DNAJC13: variants seen among roughly 807,000 people sequenced by gnomAD.
DNAJC13 encodes the protein DnaJ heat shock protein family (Hsp40) member C13.
Under a neutral mutation model 290.5 loss-of-function variants are expected in DNAJC13, and 75 were observed. The ratio of observed to expected loss-of-function variants is 0.26; its 90% CI spans 0.21 to 0.31. DNAJC13 has a LOEUF of 0.31. DNAJC13 is among the 10% of genes least tolerant of loss of function. DNAJC13 has a pLI of 1.00. For missense variants in DNAJC13, 2,260 were observed against 2,674.5 expected (o/e 0.85, Z 3.42); for synonymous variants, 862 against 892.0 (o/e 0.97, Z 0.60).
chr3:132,530,261 T>C (rs369129164), intron 54 of DNAJC13, among the ~76,000 whole-genome samples: 1 of 152,200 alleles, frequency 6.6e-6, no homozygotes, highest in Non-Finnish European at 1.5e-5. Flanking sequence ...TCAGAGACAG[T>C]CTGTCTTTCT....
At chr3:132,479,435 G>A in intron 25 of DNAJC13, 146 bp downstream of exon 25, 4 of 576,620 alleles carry the variant, frequency 6.9e-6, no homozygotes, top group Non-Finnish European at 9.2e-6. Context: ...CTAATCTCCT[G>A]GAGGGAGAGG....
At chr3:132,513,190 T>C in intron 45 of DNAJC13, 91 bp downstream of exon 45, 5 of 1,080,274 alleles carry the variant, frequency 4.6e-6, no homozygotes, top group Non-Finnish European at 7.0e-6. Flanking sequence ...GAAGTTGAAG[T>C]GTGCTTTTTT....
chr3:132,471,672 A>G (rs1934266799), intron 20 of DNAJC13, among the ~76,000 whole-genome samples: 2 of 120,100 alleles, frequency 1.7e-5, no homozygotes. Context: ...GACGCTCCTC[A>G]CTTCCTAGAT....
intron 54 of DNAJC13, among the ~76,000 whole-genome samples, chr3:132,528,804 T>C (rs2107751451): frequency 6.6e-6 from 1 of 151,728 alleles, no homozygotes; most frequent in African/African-American, 2.4e-5. Flanking sequence ...GTTTTTCCTA[T>C]GTGTGTTAAT....
At chr3:132,506,358 A>T (rs1935588626) in intron 42 of DNAJC13, among the ~76,000 whole-genome samples, 1 of 151,136 alleles carries the variant, frequency 6.6e-6, no homozygotes, top group Non-Finnish European at 1.5e-5. Flanking sequence ...GGCCTTCTGT[A>T]CATTATCTTT....
intron 33 of DNAJC13, among the ~76,000 whole-genome samples, chr3:132,493,681 A>G (rs1559896325): frequency 6.6e-6 from 1 of 152,052 alleles, no homozygotes; most frequent in Non-Finnish European, 1.5e-5. Context: ...TTTGAATGCT[A>G]GCATACCCAT....
intron 17 of DNAJC13, among the ~76,000 whole-genome samples, chr3:132,465,478 G>A (rs1430685385): frequency 6.6e-6 from 1 of 152,164 alleles, no homozygotes; most frequent in Non-Finnish European, 1.5e-5. Flanking sequence ...TAGCTTTTAA[G>A]TGAGATGAGT....
At chr3:132,490,573 T>C (rs897031856) in intron 31 of DNAJC13, among the ~76,000 whole-genome samples, 2 of 152,184 alleles carry the variant, frequency 1.3e-5, no homozygotes, top group Non-Finnish European at 2.9e-5. Flanking sequence ...TCTTGGGATA[T>C]TCCTTCTGTT....
Position 132,502,673 on chromosome 3 carries a change from AT to A in DNAJC13, c.4716+208del, listed in dbSNP as rs1935457207. ...TGCTTAAAGGATTCCAGGCAAGGGAATTTGCAATAGCATATACTGGACATAA... is the reference window on the plus strand; with the variant it reads ...TGCTTAAAGGATTCCAGGCAAGGGAATTGCAATAGCATATACTGGACATAA... On this transcript the variant is annotated intron_variant, in intron 40 of 55. Transcript: ENST00000260818. 2.0e-5 allele frequency among the ~76,000 whole-genome samples: 3 copies of A among 152,224 alleles called. No individual in the cohort carries two copies. In the South Asian group the frequency reaches 6.2e-4, roughly 31 times the overall value.
chr3:132,470,838 G>A (rs1214203874), intron 20 of DNAJC13, among the ~76,000 whole-genome samples: 1 of 132,028 alleles, frequency 7.6e-6, no homozygotes, highest in South Asian at 2.4e-4. Flanking sequence ...GGCCAGGCGG[G>A]GGGCTGATCC....
In DNAJC13 at chr3:132,499,231, C is replaced by T. The variant is rs61748102; in HGVS notation, c.4262C>T (p.Ala1421Val). The change falls in exon 37 of 56, where the codon GCG (alanine) becomes GTG (valine). Residue 1421 changes from alanine to valine, a missense_variant. Coordinates refer to ENST00000260818, the MANE Select transcript of DNAJC13 (RefSeq NM_015268.4). ...LFSKESPLLP[A>V]ATELAFHTVN... ...TCAAAAGAATCACCATTGTTGCCTGCGGCTACAGAGCTAGCTTTCCATACT... is the reference window on the plus strand; with the variant it reads ...TCAAAAGAATCACCATTGTTGCCTGTGGCTACAGAGCTAGCTTTCCATACT... 0.018 allele frequency: 28,963 copies of T among 1,613,848 alleles called. 338 individuals are homozygous for T. The highest frequency in any genetic ancestry group is 0.028 in the African/African-American group (2,126 of 75,008).
At chr3:132,487,841 G>C (rs936092416) in intron 29 of DNAJC13, among the ~76,000 whole-genome samples, 11 of 151,930 alleles carry the variant, frequency 7.2e-5, no homozygotes, top group African/African-American at 2.7e-4. Flanking sequence ...CCTGATACTT[G>C]TTTACCCTCT....
chr3:132,450,875 ACTTT>A, intron 6 of DNAJC13, 28 bp downstream of exon 6: 29 of 1,240,782 alleles, frequency 2.3e-5, no homozygotes, highest in Non-Finnish European at 3.2e-5. Context: ...AAAAAAAAAC[ACTTT>A]AAAAGGGTCA....
In DNAJC13 at chr3:132,478,087, G is replaced by C; in HGVS notation, c.2656G>C (p.Glu886Gln). Residue 886 changes from glutamate (E) to glutamine (Q), a missense_variant, in exon 24 of 56, where the codon GAA (glutamate) becomes CAA (glutamine). Glu to Gln is a conservative substitution (Grantham distance 29, BLOSUM62 2). Around this residue, in one of 3 missense-constraint regions of DNAJC13, gnomAD observed 1,494 missense variants for 1,693.7 expected, o/e 0.88. Transcript: ENST00000260818. ...TGCTATTGTTTATGGCAGATGTCACGAAGAAATAGGACCTTTTACAGATAC... is the reference window on the plus strand; with the variant it reads ...TGCTATTGTTTATGGCAGATGTCACCAAGAAATAGGACCTTTTACAGATAC... ...ALAIVYGRCH[E>Q]EIGPFTDTRY... is the part of the protein sequence containing the mutation. The C allele has an allele frequency of 6.2e-7, 1 of 1,613,388 alleles. No homozygotes were observed. Among genetic ancestry groups the C allele is most frequent in the Non-Finnish European group, 8.5e-7 (1 of 1,179,758 alleles).
At chr3:132,450,254 C>G (rs1488474921) in intron 5 of DNAJC13, among the ~76,000 whole-genome samples, 3 of 151,902 alleles carry the variant, frequency 2.0e-5, no homozygotes, top group Non-Finnish European at 4.4e-5. Context: ...TGACTTAGCT[C>G]TTTTCATTAT....
chr3:132,538,464 AGCACTCT>A lies in DNAJC13; in HGVS notation c.*184_*190del, dbSNP rs1488240732. The A allele has an allele frequency of 1.8e-5, 9 of 505,350 alleles. No individual in the cohort carries two copies. The highest frequency in any genetic ancestry group is 1.8e-4 in the African/African-American group (9 of 51,024). The allele number at this position is 505,350 out of a possible 1,614,324, so 31.3% of individuals were successfully genotyped here. On this transcript the variant is annotated 3_prime_UTR_variant, in exon 56 of 56. Transcript: ENST00000260818. The stretch of plus-strand genomic sequence containing the variant: ...TCCTAATTGTATCACATTATAAGAA[AGCACTCT>A]GTGGATCAACATAAGTGGGTACACA...
intron 35 of DNAJC13, among the ~76,000 whole-genome samples, chr3:132,495,830 C>T (rs1935217745): frequency 6.6e-6 from 1 of 151,932 alleles, no homozygotes; most frequent in Non-Finnish European, 1.5e-5. Context: ...TTAATAAAAA[C>T]CCTAGGGGTT....
At chr3:132,464,917 A>T (rs1933924332) in intron 17 of DNAJC13, among the ~76,000 whole-genome samples, 3 of 152,162 alleles carry the variant, frequency 2.0e-5, no homozygotes. Context: ...TAATATTTGA[A>T]TTACACTGTT....
Position 132,467,204 on chromosome 3 carries a change from G to A in DNAJC13, c.2099G>A (p.Trp700Ter). ...QYGKFNKVPEWQRLAGKAAKE... is the reference protein window; with the variant it reads ...QYGKFNKVPE ...GGAAAATTTAATAAAGTTCCAGAGTGGCAAAGACTAGCTGGAAAAGCTGCT... is the reference window on the plus strand; with the variant it reads ...GGAAAATTTAATAAAGTTCCAGAGTAGCAAAGACTAGCTGGAAAAGCTGCT... Residue 700 changes from tryptophan to a stop codon, truncating the protein, a stop_gained, in exon 20 of 56, where the codon TGG becomes TAG. Transcript: ENST00000260818. LOFTEE classifies it high-confidence loss of function. The A allele has an allele frequency of 6.2e-7, 1 of 1,613,690 alleles. No homozygotes were observed. Among genetic ancestry groups the A allele is most frequent in the Non-Finnish European group, 8.5e-7 (1 of 1,179,818 alleles).
Sources: gnomAD v4.1 joint callset for allele counts (sites outside exome capture counted in the v4.1 genomes callset) on GRCh38, gnomAD v4.1.1 for gene constraint, gnomAD v4.1.1 regional missense constraint, MANE v1.5 for transcripts, NCBI Gene and HGNC (gene_info 2026-07-23, HGNC 2026-07-21) for gene names.